The following FHIT variants were observed in gnomAD, a reference collection of about 807,000 sequenced individuals.
FHIT encodes bis(5'-adenosyl)-triphosphatase.
In FHIT, 19 loss-of-function variants were observed where a neutral mutation model predicts 17.9. The ratio of observed to expected loss-of-function variants is 1.06; its 90% CI spans 0.74 to 1.56. The LOEUF (loss-of-function observed/expected upper bound fraction) is 1.56, where lower values mean the gene tolerates loss of function less well. Among genes scored for constraint, FHIT ranks in the 40% most tolerant of loss-of-function variants. FHIT has a pLI of 0.00. For synonymous variants in FHIT, 81 were observed against 69.7 expected (o/e 1.16, Z -0.81); for missense variants, 248 against 189.2 (o/e 1.31, Z -1.82).
At chr3:59,868,047 T>TTTTTA (rs397964099) in intron 8 of FHIT, among the ~76,000 whole-genome samples, 13 of 111,346 alleles carry the variant, frequency 1.2e-4, no homozygotes, top group Non-Finnish European at 2.2e-4. Context: ...TTTTTTTTTT[T>TTTTTA]AAAAAAAAAA....
intron 3 of FHIT, among the ~76,000 whole-genome samples, chr3:60,872,934 G>A (rs965693807): frequency 2.4e-4 from 37 of 152,032 alleles, no homozygotes; most frequent in South Asian, 2.1e-4. Flanking sequence ...ATTGTTCCCC[G>A]TTCAAAAAAT....
At chr3:61,038,855 T>C (rs1265066490) in intron 3 of FHIT, among the ~76,000 whole-genome samples, 2 of 152,192 alleles carry the variant, frequency 1.3e-5, no homozygotes, top group Admixed American at 6.5e-5. Context: ...GGGTCTCTTA[T>C]AACTGCTTAA....
chr3:61,044,075 C>T (rs2033662299), intron 2 of FHIT, among the ~76,000 whole-genome samples: 1 of 152,224 alleles, frequency 6.6e-6, no homozygotes, highest in Non-Finnish European at 1.5e-5. Flanking sequence ...AGCGCCTCTT[C>T]TCCTCGAAAG....
At chr3:61,049,853 A>T (rs774272011) in intron 2 of FHIT, among the ~76,000 whole-genome samples, 2 of 152,188 alleles carry the variant, frequency 1.3e-5, no homozygotes, top group Non-Finnish European at 2.9e-5. Flanking sequence ...CCCCTGGAGC[A>T]GGTCATAAGA....
At chr3:59,880,937 A>G (rs1703382755) in intron 8 of FHIT, among the ~76,000 whole-genome samples, 1 of 152,210 alleles carries the variant, frequency 6.6e-6, no homozygotes, top group African/African-American at 2.4e-5. Context: ...AGCAATGCCA[A>G]TAAATACAGT....
At chr3:61,089,951 A>G (rs1313035278) in intron 2 of FHIT, among the ~76,000 whole-genome samples, 1 of 152,248 alleles carries the variant, frequency 6.6e-6, no homozygotes, top group African/African-American at 2.4e-5. Context: ...CAAGCATCAG[A>G]TAAGATTGAT....
intron 5 of FHIT, among the ~76,000 whole-genome samples, chr3:60,441,702 TTATATATA>T (rs10575692): frequency 1.2e-5 from 1 of 82,960 alleles, no homozygotes; most frequent in African/African-American, 3.9e-5. Context: ...CTGTAGGTAT[TTATATATA>T]TATATATATA....
intron 5 of FHIT, among the ~76,000 whole-genome samples, chr3:60,440,335 C>T (rs986344730): frequency 6.6e-6 from 1 of 152,046 alleles, no homozygotes; most frequent in Non-Finnish European, 1.5e-5. Flanking sequence ...TGCCCTGTTA[C>T]CCGTCTCTAT....
Position 61,052,723 on chromosome 3 carries a change from C to A in FHIT, c.-163-10624G>T, listed in dbSNP as rs192345749. Among the ~76,000 whole-genome samples the A allele has an allele frequency of 1.2e-4, 18 of 152,234 alleles. No individual in the cohort carries two copies. The East Asian group carries it at 3.5e-3, about 29-fold the overall frequency. Reference sequence around the variant, plus strand: ...ATACTGGCACCAGGACAAGGACCACCCTTTGAGTAGTGCTGCACTACACTT... The same window carrying A: ...ATACTGGCACCAGGACAAGGACCACACTTTGAGTAGTGCTGCACTACACTT... On this transcript the variant is annotated intron_variant, in intron 2 of 9. Transcript: ENST00000492590.
chr3:60,735,170 A>G (rs2042109808), intron 4 of FHIT, among the ~76,000 whole-genome samples: 1 of 152,252 alleles, frequency 6.6e-6, no homozygotes, highest in African/African-American at 2.4e-5. Flanking sequence ...GAGAGCCTGT[A>G]TCTTTTCTAA....
At chr3:60,210,347 T>A (rs1344809256) in intron 5 of FHIT, among the ~76,000 whole-genome samples, 2 of 151,910 alleles carry the variant, frequency 1.3e-5, no homozygotes, top group Non-Finnish European at 2.9e-5. Context: ...AATTAAGGAC[T>A]AGAAAAAAAC....
chr3:59,930,136 C>G (rs1018667193), intron 7 of FHIT, among the ~76,000 whole-genome samples: 1 of 152,150 alleles, frequency 6.6e-6, no homozygotes, highest in Admixed American at 6.5e-5. Context: ...TATTCATACA[C>G]CAACTTTTGT....
chr3:61,205,283 C>T (rs1366714806), intron 1 of FHIT, among the ~76,000 whole-genome samples: 26 of 152,010 alleles, frequency 1.7e-4, no homozygotes, highest in African/African-American at 7.3e-5. Context: ...AATAAACATA[C>T]GTGTGCATGT....
At chr3:60,594,219 C>T (rs917523794) in intron 4 of FHIT, among the ~76,000 whole-genome samples, 1 of 152,080 alleles carries the variant, frequency 6.6e-6, no homozygotes, top group Non-Finnish European at 1.5e-5. Flanking sequence ...GCACGGAGCT[C>T]TGTTGTAACT....
At chr3:59,878,739 T>G (rs1009876597) in intron 8 of FHIT, among the ~76,000 whole-genome samples, 1 of 152,186 alleles carries the variant, frequency 6.6e-6, no homozygotes, top group Non-Finnish European at 1.5e-5. Flanking sequence ...ACCTCATAGT[T>G]ATTGACGAGC....
chr3:60,470,058 T>TTCTTTCTCTCTCTCTCTCTCTCTCTC lies in FHIT; in HGVS notation c.103+66801_103+66802insGAGAGAGAGAGAGAGAGAGAGAAAGA, dbSNP rs1323971036. On this transcript the variant is annotated intron_variant, in intron 5 of 9. Coordinates refer to ENST00000492590, the MANE Select transcript of FHIT (RefSeq NM_002012.4). ...TCTCTCCCCTCTCCTCTCTCTTTCT[T>TTCTTTCTCTCTCTCTCTCTCTCTCTC]TCTCTCTCTCTCTCTCTCTCTCCAG... is the stretch of plus-strand genomic sequence containing the variant. Among the ~76,000 whole-genome samples the TTCTTTCTCTCTCTCTCTCTCTCTCTC allele has an allele frequency of 3.1e-3, 437 of 142,982 alleles. 5 individuals carry two copies. The highest frequency in any genetic ancestry group is 0.011 in the African/African-American group (411 of 37,064). The allele number at this position is 142,982 out of a possible 152,430, so 93.8% of individuals were successfully genotyped here.
At position 60,826,821 on chromosome 3, in the gene FHIT, C is replaced by A. The variant is rs573499199; in HGVS notation, c.-110-4810G>T. Among the ~76,000 whole-genome samples, 29 of 152,262 alleles carry A rather than the reference C, an allele frequency of 1.9e-4. No individual in the cohort carries two copies. In the South Asian group the frequency reaches 6.0e-3, roughly 32 times the overall value. ...TTACAGACAAAGTAAACCAAGGGTA[C>A]ACCATGGACATCTTTTCAACCTTTT... On this transcript the variant is annotated intron_variant, in intron 3 of 9. Transcript: ENST00000492590.
At chr3:60,845,397 G>A (rs1357729082) in intron 3 of FHIT, among the ~76,000 whole-genome samples, 1 of 151,850 alleles carries the variant, frequency 6.6e-6, no homozygotes, top group Non-Finnish European at 1.5e-5. Flanking sequence ...GCTACTTAAG[G>A]GTAAATGATT....
At chr3:60,262,772 T>G (rs975311700) in intron 5 of FHIT, among the ~76,000 whole-genome samples, 3 of 151,830 alleles carry the variant, frequency 2.0e-5, no homozygotes, top group Admixed American at 2.0e-4. Context: ...GTGAATCTCT[T>G]ACCTAAAGAG....
Sources: gnomAD v4.1 joint callset for allele counts (sites outside exome capture counted in the v4.1 genomes callset) on GRCh38, gnomAD v4.1.1 for gene constraint, MANE v1.5 for transcripts, NCBI Gene and HGNC (gene_info 2026-07-23, HGNC 2026-07-21) for gene names.